IQCB1: variants seen among roughly 807,000 people sequenced by gnomAD.
IQCB1 encodes the protein IQ motif containing B1.
In IQCB1, 56 loss-of-function variants were observed where a neutral mutation model predicts 84.4. The ratio of observed to expected loss-of-function variants is 0.66; its 90% confidence interval spans 0.54 to 0.83. The LOEUF is 0.83. Ranked by LOEUF, IQCB1 falls within the 40% of genes least tolerant of loss-of-function variation. IQCB1 has a pLI of 0.00. For synonymous variants in IQCB1, 210 were observed against 234.8 expected (o/e 0.89, Z 0.96); for missense variants, 629 against 682.1 (o/e 0.92, Z 0.87).
At chr3:121,806,571 T>C (rs1949605903) in intron 7 of IQCB1, among the ~76,000 whole-genome samples, 1 of 152,120 alleles carries the variant, frequency 6.6e-6, no homozygotes, top group African/African-American at 2.4e-5. Context: ...TGCCTGGAAT[T>C]ACTGCTTTCT....
chr3:121,779,032 C>T (rs981584154), intron 13 of IQCB1, among the ~76,000 whole-genome samples: 1 of 151,958 alleles, frequency 6.6e-6, no homozygotes, highest in Non-Finnish European at 1.5e-5. Flanking sequence ...AACAAACATG[C>T]ACCTTGTGCA....
intron 2 of IQCB1, among the ~76,000 whole-genome samples, chr3:121,829,287 G>A (rs1950555765): frequency 6.6e-6 from 1 of 152,114 alleles, no homozygotes; most frequent in South Asian, 2.1e-4. Flanking sequence ...TCTAGGATAG[G>A]AATTAACTTC....
At position 121,773,313 on chromosome 3, in the gene IQCB1, T is replaced by TAAAAAA. The variant is rs57716745; in HGVS notation, c.1411-606_1411-601dup. ...TAGGCAACAGAGCAAGACTCTGCCT[T>TAAAAAA]AAAAAAAAAAAAAAAAAAAAAAAGA... On this transcript the variant is annotated intron_variant, in intron 13 of 14. Transcript: ENST00000310864. Among the ~76,000 whole-genome samples, 102 of 104,392 alleles carry TAAAAAA rather than the reference T, an allele frequency of 9.8e-4. 1 individual carries two copies. The highest frequency in any genetic ancestry group is 1.5e-3 in the Non-Finnish European group (82 of 54,260). 68.5% of individuals were successfully genotyped at this position (104,392 alleles called of 152,430 possible).
intron 9 of IQCB1, among the ~76,000 whole-genome samples, chr3:121,796,060 T>C (rs1289782609): frequency 6.6e-6 from 1 of 152,050 alleles, no homozygotes; most frequent in African/African-American, 2.4e-5. Context: ...CAGTCTCCTG[T>C]TTACTTAATA....
At chr3:121,804,265 T>A (rs1038024112) in intron 7 of IQCB1, among the ~76,000 whole-genome samples, 2 of 152,076 alleles carry the variant, frequency 1.3e-5, no homozygotes, top group Non-Finnish European at 2.9e-5. Flanking sequence ...ATACATATGT[T>A]CCTCAAATAC....
At chr3:121,806,043 A>G (rs1399351183) in intron 7 of IQCB1, among the ~76,000 whole-genome samples, 4 of 152,168 alleles carry the variant, frequency 2.6e-5, no homozygotes, top group Admixed American at 2.0e-4. Flanking sequence ...CTCTGGGCTT[A>G]CTTTCTTTCA....
intron 12 of IQCB1, among the ~76,000 whole-genome samples, chr3:121,786,174 A>AGAAAAGAAAGAAAAGAAAC (rs1559760701): frequency 1.5e-5 from 2 of 135,158 alleles, no homozygotes; most frequent in Admixed American, 8.0e-5. Context: ...CTGTCTCAAA[A>AGAAAAGAAAGAAAAGAAAC]GAAAAGAAAA....
At chr3:121,778,792 G>GCTAC (rs1948347708) in intron 13 of IQCB1, among the ~76,000 whole-genome samples, 1 of 151,566 alleles carries the variant, frequency 6.6e-6, no homozygotes, top group African/African-American at 2.4e-5. Context: ...TGTAATCCTA[G>GCTAC]CTACCTGGGA....
At chr3:121,832,865 C>A (rs1232296143) in intron 2 of IQCB1, among the ~76,000 whole-genome samples, 1 of 152,086 alleles carries the variant, frequency 6.6e-6, no homozygotes, top group Non-Finnish European at 1.5e-5. Flanking sequence ...AAAATGCACA[C>A]AGTAGTCATA....
Position 121,828,955 on chromosome 3 carries a change from C to T in IQCB1, c.6G>A (p.Lys2=). The T allele has an allele frequency of 6.3e-7, 1 of 1,596,146 alleles. No homozygotes were observed. The highest frequency in any genetic ancestry group is 8.6e-7 in the Non-Finnish European group (1 of 1,164,478). The part of the protein sequence containing the change: M[K]PTGTDPRILS... Reference sequence around the variant, plus strand: ...AGATCCTTGGGTCTGTACCTGTTGGCTTCATTTCTCTTATTACCTATATTT... The same window carrying T: ...AGATCCTTGGGTCTGTACCTGTTGGTTTCATTTCTCTTATTACCTATATTT... Residue 2 remains lysine, a synonymous_variant, in exon 3 of 15, where the codon AAG becomes AAA. Coordinates refer to ENST00000310864, the MANE Select transcript of IQCB1 (RefSeq NM_001023570.4).
At chr3:121,780,213 T>C (rs1326847313) in intron 13 of IQCB1, among the ~76,000 whole-genome samples, 1 of 152,222 alleles carries the variant, frequency 6.6e-6, no homozygotes, top group Admixed American at 6.5e-5. Flanking sequence ...TTCTCTGTTC[T>C]CTTCCTTGAG....
intron 7 of IQCB1, among the ~76,000 whole-genome samples, chr3:121,806,005 G>T (rs1258737763): frequency 6.6e-6 from 1 of 152,054 alleles, no homozygotes; most frequent in Admixed American, 6.6e-5. Context: ...TAGAGCAATT[G>T]TAAGATTCAC....
At chr3:121,774,348 A>G (rs1011017728) in intron 13 of IQCB1, among the ~76,000 whole-genome samples, 1 of 152,230 alleles carries the variant, frequency 6.6e-6, no homozygotes. Flanking sequence ...AAAATGGTAC[A>G]GCCACTATGG....
At chr3:121,820,390 T>C (rs1384019224) in intron 5 of IQCB1, among the ~76,000 whole-genome samples, 2 of 152,172 alleles carry the variant, frequency 1.3e-5, no homozygotes, top group African/African-American at 4.8e-5. Context: ...TTTGCCCAAA[T>C]ACATTGCATC....
At chr3:121,771,986 C>A (rs1433972870) in intron 14 of IQCB1, among the ~76,000 whole-genome samples, 1 of 152,094 alleles carries the variant, frequency 6.6e-6, no homozygotes, top group Non-Finnish European at 1.5e-5. Flanking sequence ...CCATCCTGGC[C>A]AACATGGTGA....
chr3:121,814,054 A>C (rs775422491), intron 5 of IQCB1, among the ~76,000 whole-genome samples: 22 of 152,220 alleles, frequency 1.4e-4, no homozygotes, highest in Non-Finnish European at 1.2e-4. Flanking sequence ...GCAAAAGAAC[A>C]GAAATCATAA....
At chr3:121,781,953 G>GATC in intron 12 of IQCB1, 79 bp from the exon 13 acceptor site, 1 of 1,373,290 alleles carries the variant, frequency 7.3e-7, no homozygotes, top group Non-Finnish European at 1.0e-6. Flanking sequence ...ACATATGGTA[G>GATC]TGATCACATT....
At chr3:121,776,366 A>C (rs1425181953) in intron 13 of IQCB1, among the ~76,000 whole-genome samples, 1 of 152,216 alleles carries the variant, frequency 6.6e-6, no homozygotes, top group Non-Finnish European at 1.5e-5. Flanking sequence ...TGGGGTAAAT[A>C]TCTAGGAGTA....
intron 5 of IQCB1, among the ~76,000 whole-genome samples, chr3:121,810,836 G>A (rs1400023340): frequency 6.6e-6 from 1 of 152,090 alleles, no homozygotes; most frequent in East Asian, 1.9e-4. Context: ...TAGTTTATGT[G>A]GCTTCAACTA....
Sources: gnomAD v4.1 joint callset for allele counts (sites outside exome capture counted in the v4.1 genomes callset) on GRCh38, gnomAD v4.1.1 for gene constraint, MANE v1.5 for transcripts, NCBI Gene and HGNC (gene_info 2026-07-23, HGNC 2026-07-21) for gene names.